The following RASA1 variants were observed in gnomAD, a reference collection of about 807,000 sequenced individuals.
The protein encoded by RASA1 is ras GTPase-activating protein 1.
RASA1 carries 25 observed loss-of-function variants against 132.2 expected under a neutral mutation model. That is an observed-to-expected ratio of 0.19 (90% confidence interval 0.14 to 0.26). The LOEUF (loss-of-function observed/expected upper bound fraction) is 0.26, where lower values mean the gene tolerates loss of function less well. Ranked by LOEUF, RASA1 falls within the 10% of genes least tolerant of loss-of-function variation. The pLI is 1.00. For synonymous variants in RASA1, 477 were observed against 449.9 expected, an observed-to-expected ratio of 1.06 and a Z score of -0.76; for missense variants, 964 against 1,299.2, an observed-to-expected ratio of 0.74 and a Z score of 3.97.
At chr5:87,301,123 A>G (rs1288995942) in intron 1 of RASA1, among the ~76,000 whole-genome samples, 1 of 152,234 alleles carries the variant, frequency 6.6e-6, no homozygotes, top group Non-Finnish European at 1.5e-5. Context: ...AGACAATATA[A>G]CAGATGAGGG....
At chr5:87,339,942 GA>G (rs1758316162) in intron 5 of RASA1, among the ~76,000 whole-genome samples, 1 of 152,028 alleles carries the variant, frequency 6.6e-6, no homozygotes, top group South Asian at 2.1e-4. Flanking sequence ...TAGATTTAAG[GA>G]ATTTCTCCTT....
intron 1 of RASA1, among the ~76,000 whole-genome samples, chr5:87,297,446 T>G (rs1011688441): frequency 2.0e-5 from 3 of 152,364 alleles, no homozygotes; most frequent in South Asian, 4.1e-4. Context: ...TTGGTGAACC[T>G]GTGCTCCTGG....
intron 9 of RASA1, among the ~76,000 whole-genome samples, chr5:87,360,267 C>T (rs1306832168): frequency 6.6e-6 from 1 of 152,048 alleles, no homozygotes; most frequent in African/African-American, 2.4e-5. Flanking sequence ...GCTGGAATTA[C>T]AGGCACGCGC....
chr5:87,322,822 A>T (rs1341762690), intron 1 of RASA1, among the ~76,000 whole-genome samples: 1 of 152,228 alleles, frequency 6.6e-6, no homozygotes, highest in African/African-American at 2.4e-5. Context: ...TACATAAATA[A>T]AATAACACCA....
intron 1 of RASA1, among the ~76,000 whole-genome samples, chr5:87,316,727 TCA>T (rs2112321082): frequency 6.6e-6 from 1 of 152,182 alleles, no homozygotes; most frequent in South Asian, 2.1e-4. Context: ...TCAAAGCCTC[TCA>T]CAATTATAGA....
chr5:87,313,232 G>T (rs990731869), intron 1 of RASA1, among the ~76,000 whole-genome samples: 1 of 152,156 alleles, frequency 6.6e-6, no homozygotes, highest in Non-Finnish European at 1.5e-5. Flanking sequence ...ATATCACTTT[G>T]GGCACAGGTG....
chr5:87,349,876 A>G (rs937572959), intron 8 of RASA1, among the ~76,000 whole-genome samples: 3 of 151,912 alleles, frequency 2.0e-5, no homozygotes, highest in Admixed American at 2.0e-4. Context: ...AGAATGAATT[A>G]TAGTTACTTG....
intron 1 of RASA1, among the ~76,000 whole-genome samples, chr5:87,321,289 C>G (rs1447225046): frequency 6.6e-6 from 1 of 152,176 alleles, no homozygotes; most frequent in African/African-American, 2.4e-5. Context: ...ACTTCTGTGT[C>G]CAAATGCACA....
At position 87,378,525 on chromosome 5, in the gene RASA1, A is replaced by G; in HGVS notation, c.2474A>G (p.Lys825Arg). ...KDSILKIMES[K>R]QSCELSPSKL... ...TCTATTTTAAAGATAATGGAAAGCA[A>G]GCAGTCTTGTGAGGTAAGAATTTAA... The change falls in exon 18 of 25, where the codon AAG (lysine) becomes AGG (arginine). Residue 825 changes from lysine to arginine, a missense_variant. By Grantham distance (26) the Lys-to-Arg change is conservative. Coordinates refer to ENST00000274376, the MANE Select transcript of RASA1 (RefSeq NM_002890.3). The G allele has an allele frequency of 6.2e-7, 1 of 1,610,306 alleles. No homozygotes were observed. Among genetic ancestry groups the G allele is most frequent in the Non-Finnish European group, 8.5e-7 (1 of 1,176,658 alleles).
At chr5:87,274,649 C>G (rs1484692475) in intron 1 of RASA1, among the ~76,000 whole-genome samples, 1 of 151,924 alleles carries the variant, frequency 6.6e-6, no homozygotes, top group Non-Finnish European at 1.5e-5. Flanking sequence ...TACTGTGATT[C>G]AGGCTAGGTT....
chr5:87,363,277 C>G (rs1008219753), intron 10 of RASA1, 71 bp from the exon 11 acceptor site: 27 of 1,324,652 alleles, frequency 2.0e-5, no homozygotes, highest in Non-Finnish European at 2.8e-5. Context: ...TTTTTAGAAA[C>G]ACTAATTTTA....
chr5:87,278,527 C>T (rs1182113308), intron 1 of RASA1, among the ~76,000 whole-genome samples: 1 of 151,842 alleles, frequency 6.6e-6, no homozygotes, highest in African/African-American at 2.4e-5. Flanking sequence ...GCCTGGGCGA[C>T]AGAGCGAGAC....
intron 1 of RASA1, among the ~76,000 whole-genome samples, chr5:87,291,770 A>C (rs1754919397): frequency 1.3e-5 from 2 of 152,160 alleles, no homozygotes; most frequent in South Asian, 4.1e-4. Flanking sequence ...GCCTTCCACC[A>C]TGAGTAAAAG....
At chr5:87,287,456 C>T (rs890885534) in intron 1 of RASA1, among the ~76,000 whole-genome samples, 1 of 145,228 alleles carries the variant, frequency 6.9e-6, no homozygotes, top group Non-Finnish European at 1.5e-5. Flanking sequence ...CATATATATA[C>T]CATATATATA....
rs142710125 is a variant in RASA1 at position 87,296,936 on chromosome 5, A to G, written c.539+27946A>G. The stretch of plus-strand genomic sequence containing the variant: ...CTTTTTTAGTTTCCTACAGTTCTTG[A>G]ATGTTCTACTCTTTCTTTTTCCTCT... On this transcript the variant is annotated intron_variant, in intron 1 of 24. Transcript: ENST00000274376. 4.2e-3 allele frequency among the ~76,000 whole-genome samples: 641 copies of G among 151,936 alleles called. 7 individuals are homozygous for G. Among genetic ancestry groups the G allele is most frequent in the African/African-American group, 0.015 (609 of 41,454 alleles).
At chr5:87,276,809 A>ATG in intron 1 of RASA1, among the ~76,000 whole-genome samples, 1 of 152,194 alleles carries the variant, frequency 6.6e-6, no homozygotes, top group Non-Finnish European at 1.5e-5. Context: ...TCAAGTTGTT[A>ATG]TGTGTAACAT....
At chr5:87,331,214 C>G (rs1429187159) in intron 1 of RASA1, 134 bp from the exon 2 acceptor site, 1 of 1,057,628 alleles carries the variant, frequency 9.5e-7, no homozygotes, top group East Asian at 2.4e-5. Flanking sequence ...ATTGGAATAA[C>G]TGGTTCAGAG....
chr5:87,314,195 T>C (rs1302723147), intron 1 of RASA1, among the ~76,000 whole-genome samples: 1 of 151,786 alleles, frequency 6.6e-6, no homozygotes, highest in African/African-American at 2.4e-5. Flanking sequence ...AAATAAAAAA[T>C]AAAAAAATAA....
intron 1 of RASA1, among the ~76,000 whole-genome samples, chr5:87,299,184 G>C (rs147265424): frequency 6.6e-4 from 100 of 152,232 alleles, no homozygotes; most frequent in African/African-American, 2.4e-3. Context: ...GTTTAACTCT[G>C]CTTTTTCTAA....
Sources: gnomAD v4.1 joint callset for allele counts (sites outside exome capture counted in the v4.1 genomes callset) on GRCh38, gnomAD v4.1.1 for gene constraint, MANE v1.5 for transcripts, NCBI Gene and HGNC (gene_info 2026-07-23, HGNC 2026-07-21) for gene names.